RAD54L2: variants seen among roughly 807,000 people sequenced by gnomAD.
The protein encoded by RAD54L2 is RAD54 like 2, also known as helicase ARIP4.
A neutral mutation model predicts 138.4 loss-of-function variants in RAD54L2; 27 were observed. The ratio of observed to expected loss-of-function variants is 0.20; its 90% CI spans 0.14 to 0.27. The LOEUF (loss-of-function observed/expected upper bound fraction) is 0.27, where lower values mean the gene tolerates loss of function less well. Among genes scored for constraint, RAD54L2 ranks in the 10% least tolerant of loss-of-function variants. The pLI is 1.00. For missense variants in RAD54L2, 1,396 were observed against 1,890.2 expected (o/e 0.74, Z 4.85); for synonymous variants, 644 against 723.2 (o/e 0.89, Z 1.76).
chr3:51,644,366 GTC>G (rs1415067930), intron 16 of RAD54L2, among the ~76,000 whole-genome samples: 2 of 152,142 alleles, frequency 1.3e-5, no homozygotes, highest in African/African-American at 4.8e-5. Flanking sequence ...GATGGCTTGA[GTC>G]TGAGAGGTCG....
intron 3 of RAD54L2, among the ~76,000 whole-genome samples, chr3:51,602,874 G>C (rs931949699): frequency 6.6e-5 from 10 of 152,052 alleles, no homozygotes; most frequent in African/African-American, 2.4e-4. Flanking sequence ...GTAAAGTCTG[G>C]GGTGGTGCTT....
At chr3:51,653,550 G>C (rs1264660070) in intron 19 of RAD54L2, among the ~76,000 whole-genome samples, 3 of 152,204 alleles carry the variant, frequency 2.0e-5, no homozygotes, top group Non-Finnish European at 4.4e-5. Context: ...ATCAATGATA[G>C]ACTGAATTAA....
chr3:51,555,184 C>T (rs573089183), intron 2 of RAD54L2, among the ~76,000 whole-genome samples: 64 of 152,246 alleles, frequency 4.2e-4, no homozygotes, highest in South Asian at 1.5e-3. Context: ...AGATGATAAC[C>T]AATTGCCAAT....
rs1354717874 is a variant in RAD54L2 at position 51,663,421 on chromosome 3, C to T, written c.*1C>T. 6.2e-7 allele frequency: 1 copy of T among 1,606,884 alleles called. No individual in the cohort carries two copies. Among genetic ancestry groups the T allele is most frequent in the South Asian group, 1.1e-5 (1 of 90,842 alleles). On this transcript the variant is annotated 3_prime_UTR_variant, in exon 23 of 23. Coordinates refer to ENST00000684192, the MANE Select transcript of RAD54L2 (RefSeq NM_015106.4). ...TGTGATAGAGGTCACTGGGAAATAG[C>T]TAGGGAGCCCCTCCCCACCTCACTT...
At chr3:51,609,198 A>C (rs1259829042) in intron 3 of RAD54L2, among the ~76,000 whole-genome samples, 2 of 152,338 alleles carry the variant, frequency 1.3e-5, no homozygotes, top group East Asian at 1.9e-4. Flanking sequence ...TTAAATGGCT[A>C]GTCAGAAAAG....
At position 51,547,148 on chromosome 3, in the gene RAD54L2, A is replaced by G. The variant is rs533155151; in HGVS notation, c.-55+5498A>G. Among the ~76,000 whole-genome samples the G allele has an allele frequency of 5.1e-4, 78 of 152,238 alleles. 1 individual carries two copies. Among genetic ancestry groups the G allele is most frequent in the Middle Eastern group, 3.4e-3 (1 of 294 alleles). On this transcript the variant is annotated intron_variant, in intron 2 of 22. Transcript: ENST00000684192. Reference sequence around the variant, plus strand: ...GGTTGCTTGACCCCAGGAGTTTAAGACTAGCCTGGGGCGACATGGTGAGAG... The same window carrying G: ...GGTTGCTTGACCCCAGGAGTTTAAGGCTAGCCTGGGGCGACATGGTGAGAG...
At chr3:51,597,953 CAAA>C (rs758006704) in intron 3 of RAD54L2, among the ~76,000 whole-genome samples, 6 of 59,708 alleles carry the variant, frequency 1.0e-4, no homozygotes, top group Admixed American at 2.0e-4. Flanking sequence ...GACTTTGTCT[CAAA>C]AAAAAAAAAA....
At chr3:51,600,974 AAAAC>A (rs1700067691) in intron 3 of RAD54L2, among the ~76,000 whole-genome samples, 1 of 152,182 alleles carries the variant, frequency 6.6e-6, no homozygotes, top group Admixed American at 6.5e-5. Context: ...CAAAAAAACA[AAAAC>A]AAAAACAAAA....
In RAD54L2 at chr3:51,624,234, T is replaced by G. The variant is rs564997340; in HGVS notation, c.140-3319T>G. The stretch of plus-strand genomic sequence containing the variant: ...GTTCTTTCTTTCTGGTGTGTGTGGT[T>G]TTTTTTTTTTTTTTTTTAGACAGGG... On this transcript the variant is annotated intron_variant, in intron 3 of 22. Transcript: ENST00000684192. Among the ~76,000 whole-genome samples the G allele has an allele frequency of 4.7e-4, 67 of 143,084 alleles. 1 individual carries two copies. The South Asian group carries it at 0.01, about 22-fold the overall frequency. 93.9% of individuals were successfully genotyped at this position (143,084 alleles called of 152,430 possible). A position where few individuals can be genotyped will look rare whatever the true frequency, so the allele number is the denominator to read the frequency against.
chr3:51,630,804 C>G lies in RAD54L2; in HGVS notation c.698C>G (p.Thr233Ser). ...GATGAGGAAGAAGAGAAGGGTGGCA[C>G]CCATGTCAATGATGTCTTAAACCAG... ...EDDEEEEKGG[T>S]HVNDVLNQRD... Residue 233 changes from threonine to serine, a missense_variant, in exon 7 of 23, where the codon ACC (threonine) becomes AGC (serine). Physicochemically the swap from Thr to Ser is moderately conservative, Grantham distance 58. This residue lies in a region of RAD54L2 where 256 missense variants were observed against 344.6 expected (regional missense o/e 0.74). Coordinates refer to ENST00000684192, the MANE Select transcript of RAD54L2 (RefSeq NM_015106.4). 6.2e-7 allele frequency: 1 copy of G among 1,613,968 alleles called. No individual in the cohort carries two copies. The highest frequency in any genetic ancestry group is 8.5e-7 in the Non-Finnish European group (1 of 1,179,858).
intron 3 of RAD54L2, among the ~76,000 whole-genome samples, chr3:51,615,205 G>A (rs1414301986): frequency 2.0e-5 from 3 of 152,012 alleles, no homozygotes; most frequent in Non-Finnish European, 4.4e-5. Context: ...AGTAGAGATG[G>A]GGTTTCACCA....
intron 2 of RAD54L2, among the ~76,000 whole-genome samples, chr3:51,583,534 C>G (rs1440369381): frequency 6.6e-6 from 1 of 151,772 alleles, no homozygotes; most frequent in Admixed American, 6.6e-5. Context: ...ATTATCCTGC[C>G]TCAGCCTCCC....
chr3:51,593,789 T>C (rs1240424384), intron 3 of RAD54L2, among the ~76,000 whole-genome samples: 1 of 152,214 alleles, frequency 6.6e-6, no homozygotes, highest in African/African-American at 2.4e-5. Context: ...CTTTGTAATT[T>C]CTACTTTCTA....
intron 7 of RAD54L2, among the ~76,000 whole-genome samples, chr3:51,632,810 T>C (rs1033991412): frequency 6.7e-6 from 1 of 150,326 alleles, no homozygotes; most frequent in Non-Finnish European, 1.5e-5. Flanking sequence ...GAGAATCACT[T>C]GAACCGGGGA....
At chr3:51,565,354 G>C (rs1699191080) in intron 2 of RAD54L2, among the ~76,000 whole-genome samples, 1 of 150,170 alleles carries the variant, frequency 6.7e-6, no homozygotes, top group South Asian at 2.1e-4. Context: ...AGTGAGCCGA[G>C]ATCTCACCAC....
In RAD54L2 at chr3:51,590,446, G is replaced by A. The variant is rs1226854900; in HGVS notation, c.26G>A (p.Ser9Asn). ...ATGTCAGACGAATCTGCCTCAGGGA[G>A]CGATCCAGACCTGGACCCGGACGTG... MSDESASG[S>N]DPDLDPDVEL... The change falls in exon 3 of 23, where the codon AGC becomes AAC. Residue 9 changes from serine (S) to asparagine (N), a missense_variant. Ser to Asn is a conservative substitution (Grantham distance 46, BLOSUM62 1). Coordinates refer to ENST00000684192, the MANE Select transcript of RAD54L2 (RefSeq NM_015106.4). 2 of 1,548,358 alleles carry A rather than the reference G, an allele frequency of 1.3e-6. No individual in the cohort carries two copies. Among genetic ancestry groups the A allele is most frequent in the South Asian group, 2.4e-5 (2 of 83,626 alleles).
chr3:51,594,063 T>G (rs1699900295), intron 3 of RAD54L2, among the ~76,000 whole-genome samples: 1 of 149,064 alleles, frequency 6.7e-6, no homozygotes, highest in Non-Finnish European at 1.5e-5. Flanking sequence ...CTTTTTTCTT[T>G]TTCTTTTTTT....
intron 12 of RAD54L2, 153 bp from the exon 13 acceptor site, chr3:51,639,266 C>T: frequency 2.4e-6 from 2 of 850,542 alleles, no homozygotes; most frequent in South Asian, 1.8e-5. Context: ...TATGCAGGCC[C>T]TTTGGCTGTG....
Position 51,635,768 on chromosome 3 carries a change from C to A in RAD54L2, c.1318C>A (p.Arg440=). Residue 440 remains arginine (R), a synonymous_variant, in exon 10 of 23, where the codon CGG becomes AGG. Coordinates refer to ENST00000684192, the MANE Select transcript of RAD54L2 (RefSeq NM_015106.4). ...PVIIDLDEED[R]QQEFRREFEK... is the part of the protein sequence containing the mutation. ...CATCATTGATCTAGATGAGGAAGAT[C>A]GGCAGCAGGAGTTTCGGAGAGGTGG... 1 of 1,611,108 alleles carries A rather than the reference C, an allele frequency of 6.2e-7. No homozygotes were observed. Among genetic ancestry groups the A allele is most frequent in the South Asian group, 1.1e-5 (1 of 90,366 alleles).
Sources: gnomAD v4.1 joint callset for allele counts (sites outside exome capture counted in the v4.1 genomes callset) on GRCh38, gnomAD v4.1.1 for gene constraint, gnomAD v4.1.1 regional missense constraint, MANE v1.5 for transcripts, NCBI Gene and HGNC (gene_info 2026-07-23, HGNC 2026-07-21) for gene names.